The following NKPD1 variants were observed in gnomAD, a reference collection of about 807,000 sequenced individuals.
NKPD1 encodes NTPase KAP family P-loop domain containing 1.
NKPD1 carries 37 observed loss-of-function variants against 42.2 expected under a neutral mutation model. The ratio of observed to expected loss-of-function variants is 0.88; its 90% CI spans 0.67 to 1.15. NKPD1 has a LOEUF of 1.15. Among genes scored for constraint, NKPD1 ranks in the 50% most tolerant of loss-of-function variants. NKPD1 has a pLI of 0.00. For missense variants in NKPD1, 1,113 were observed against 1,174.6 expected, an observed-to-expected ratio of 0.95 and a Z score of 0.77; for synonymous variants, 552 against 536.5, an observed-to-expected ratio of 1.03 and a Z score of -0.40.
intron 1 of NKPD1, among the ~76,000 whole-genome samples, 119 bp downstream of exon 1, chr19:45,160,806 G>T (rs1037914012): frequency 6.6e-6 from 1 of 152,108 alleles, no homozygotes; most frequent in Non-Finnish European, 1.5e-5. Flanking sequence ...AGCAGGACAG[G>T]GAAGGATGCT....
In NKPD1 at chr19:45,152,286, G is replaced by A. The variant is rs776824436; in HGVS notation, c.2151C>T (p.Asp717=). ...CCAGGAAGCGCTCGAAGAGCTCGGG[G>A]TCGCCGTCCAGGTCGAGCACGTTCT... is the stretch of plus-strand genomic sequence containing the variant. ...ALQNVLDLDG[D]PELFERFLGA... The change falls in exon 5 of 5, where the codon GAC becomes GAT. Residue 717 remains aspartate, a synonymous_variant. Coordinates refer to ENST00000686631, the MANE Select transcript of NKPD1 (RefSeq NM_198478.4). The A allele has an allele frequency of 1.2e-6, 2 of 1,610,470 alleles. No homozygotes were observed. Among genetic ancestry groups the A allele is most frequent in the Admixed American group, 3.3e-5 (2 of 59,852 alleles).
In NKPD1 at chr19:45,149,754, AAC is replaced by A. The variant is rs1398961632; in HGVS notation, c.*2182_*2183del. ...GTTTCATGCAAGATCTCAATGTCCT[AAC>A]ACAGGAGATGTTTATTGTCACATGT... On this transcript the variant is annotated 3_prime_UTR_variant, in exon 5 of 5. Coordinates refer to ENST00000686631, the MANE Select transcript of NKPD1 (RefSeq NM_198478.4). 1.4e-4 allele frequency: 21 copies of A among 152,208 alleles called. No individual in the cohort carries two copies. Among genetic ancestry groups the A allele is most frequent in the African/African-American group, 4.8e-4 (20 of 41,444 alleles). The allele number at this position is 152,208 out of a possible 1,614,324, so 9.4% of individuals were successfully genotyped here. A position where few individuals can be genotyped will look rare whatever the true frequency, so the allele number is the denominator to read the frequency against.
Position 45,160,039 on chromosome 19 carries a change from G to A in NKPD1, c.91+21C>T, listed in dbSNP as rs370136788. 1.5e-5 allele frequency: 19 copies of A among 1,273,740 alleles called. No individual in the cohort carries two copies. The African/African-American group carries it at 2.0e-4, about 13-fold the overall frequency. 78.9% of individuals were successfully genotyped at this position (1,273,740 alleles called of 1,614,324 possible). ...CACAGGCCTCTGTCGGCCATCACCCGCCCCCAAACTGAACCCGTACCTTTT... is the reference window on the plus strand; with the variant it reads ...CACAGGCCTCTGTCGGCCATCACCCACCCCCAAACTGAACCCGTACCTTTT... On this transcript the variant is annotated intron_variant, in intron 2 of 4. Coordinates refer to ENST00000686631, the MANE Select transcript of NKPD1 (RefSeq NM_198478.4).
At position 45,159,020 on chromosome 19, in the gene NKPD1, G is replaced by T; in HGVS notation, c.172C>A (p.Gln58Lys). ...ACTTGGTGGCTGTGGTAGGCCAGCT[G>T]CCAGTGTGATTGGGGGGAAGGCCGA... ...PCRPSPQSHWQLAYHSHQVGG... is the reference protein window; with the variant it reads ...PCRPSPQSHWKLAYHSHQVGG... The change falls in exon 3 of 5, where the codon CAG becomes AAG. Residue 58 changes from glutamine (Q) to lysine (K), a missense_variant. Physicochemically the swap from Gln to Lys is moderately conservative, Grantham distance 53. Coordinates refer to ENST00000686631, the MANE Select transcript of NKPD1 (RefSeq NM_198478.4). 1 of 1,301,942 alleles carries T rather than the reference G, an allele frequency of 7.7e-7. No homozygotes were observed. The highest frequency in any genetic ancestry group is 1.0e-6 in the Non-Finnish European group (1 of 988,348). The allele number at this position is 1,301,942 out of a possible 1,614,324, so 80.6% of individuals were successfully genotyped here.
At chr19:45,159,696 A>G (rs145746683) in intron 2 of NKPD1, among the ~76,000 whole-genome samples, 178 of 152,222 alleles carry the variant, frequency 1.2e-3, no homozygotes, top group African/African-American at 4.1e-3. Flanking sequence ...TCACCACCAG[A>G]AACTGGGCCC....
At chr19:45,156,657 G>A (rs182459482) in intron 3 of NKPD1, among the ~76,000 whole-genome samples, 5 of 152,342 alleles carry the variant, frequency 3.3e-5, no homozygotes, top group Non-Finnish European at 5.9e-5. Flanking sequence ...ACCAGGCACT[G>A]GCACTACGGC....
rs948237054 is a variant in NKPD1 at position 45,160,172 on chromosome 19, T to C, written c.-22A>G. On this transcript the variant is annotated 5_prime_UTR_variant, in exon 2 of 5. Coordinates refer to ENST00000686631, the MANE Select transcript of NKPD1 (RefSeq NM_198478.4). ...GCATGGCAGCCGGGCAGCTGGGTGC[T>C]GGGGGCCTGCTCCTGAGGCAGGAGG... 136 of 1,290,168 alleles carry C rather than the reference T, an allele frequency of 1.1e-4. No individual in the cohort carries two copies. Among genetic ancestry groups the C allele is most frequent in the Non-Finnish European group, 1.4e-4 (134 of 976,174 alleles). The allele number at this position is 1,290,168 out of a possible 1,614,324, so 79.9% of individuals were successfully genotyped here. A position where few individuals can be genotyped will look rare whatever the true frequency, so the allele number is the denominator to read the frequency against.
In NKPD1 at chr19:45,158,713, C is replaced by T. The variant is rs776354234; in HGVS notation, c.479G>A (p.Arg160Gln). Residue 160 changes from arginine (R) to glutamine (Q), a missense_variant, in exon 3 of 5, where the codon CGG becomes CAG. Arg to Gln is a conservative substitution (Grantham distance 43, BLOSUM62 1). Transcript: ENST00000686631. The surrounding 1 kb of genome is among the most constrained non-coding windows in gnomAD (Gnocchi z 4.6). ...LLKPSEPTDA[R>Q]PLPAPAACGS... Reference sequence around the variant, plus strand: ...ACAGGCCGCTGGGGCGGGCAGGGGCCGGGCATCAGTGGGCTCGCTGGGCTT... The same window carrying T: ...ACAGGCCGCTGGGGCGGGCAGGGGCTGGGCATCAGTGGGCTCGCTGGGCTT... 3.0e-5 allele frequency: 36 copies of T among 1,198,178 alleles called. 1 individual carries two copies. The highest frequency in any genetic ancestry group is 2.0e-4 in the African/African-American group (12 of 61,456). 74.2% of individuals were successfully genotyped at this position (1,198,178 alleles called of 1,614,324 possible).
At position 45,152,234 on chromosome 19, in the gene NKPD1, C is replaced by T; in HGVS notation, c.2203G>A (p.Glu735Lys). ...LGADFPFTVAEAQSLLRCTVN... is the reference protein window; with the variant it reads ...LGADFPFTVAKAQSLLRCTVN... ...GTGCAGCGCAGCAGGCTCTGCGCCTCGGCCACGGTGAAGGGGAAGTCGGCG... is the reference window on the plus strand; with the variant it reads ...GTGCAGCGCAGCAGGCTCTGCGCCTTGGCCACGGTGAAGGGGAAGTCGGCG... The change falls in exon 5 of 5, where the codon GAG becomes AAG. Residue 735 changes from glutamate (E) to lysine (K), a missense_variant. Glu to Lys is a moderately conservative substitution (Grantham distance 56). Coordinates refer to ENST00000686631, the MANE Select transcript of NKPD1 (RefSeq NM_198478.4). The T allele has an allele frequency of 3.1e-6, 5 of 1,605,542 alleles. No homozygotes were observed. Among genetic ancestry groups the T allele is most frequent in the African/African-American group, 2.7e-5 (2 of 74,908 alleles).
intron 3 of NKPD1, among the ~76,000 whole-genome samples, chr19:45,157,022 T>C (rs886707415): frequency 2.5e-4 from 38 of 152,236 alleles, no homozygotes; most frequent in Non-Finnish European, 5.1e-4. Flanking sequence ...GTGACAGGGC[T>C]GTGCCCGACC....
intron 3 of NKPD1, among the ~76,000 whole-genome samples, chr19:45,157,080 G>T (rs149228435): frequency 1.2e-4 from 18 of 152,196 alleles, no homozygotes; most frequent in Non-Finnish European, 2.6e-4. Flanking sequence ...AAACCCAGCC[G>T]TCTCCACCTC....
In NKPD1 at chr19:45,152,104, T is replaced by G. The variant is rs1968790177; in HGVS notation, c.2333A>C (p.His778Pro). ...GGCGCTGTTGGCCCGGTGGGCAGCG[T>G]GGGGGGTATCGCGGGTAGGGGACTT... ...PPKSPTRDTP[H>P]AAHRANSASR... Residue 778 changes from histidine to proline, a missense_variant, in exon 5 of 5, where the codon CAC becomes CCC. By Grantham distance (77) the His-to-Pro change is moderately conservative (BLOSUM62 -2). Coordinates refer to ENST00000686631, the MANE Select transcript of NKPD1 (RefSeq NM_198478.4). 6.2e-7 allele frequency: 1 copy of G among 1,605,182 alleles called. No homozygotes were observed. The highest frequency in any genetic ancestry group is 8.5e-7 in the Non-Finnish European group (1 of 1,177,000).
In NKPD1 at chr19:45,153,437, A is replaced by T; in HGVS notation, c.1000T>A (p.Trp334Arg). The change falls in exon 5 of 5, where the codon TGG becomes AGG. Residue 334 changes from tryptophan (W) to arginine (R), a missense_variant. Physicochemically the swap from Trp to Arg is moderately radical, Grantham distance 101. Coordinates refer to ENST00000686631, the MANE Select transcript of NKPD1 (RefSeq NM_198478.4). The part of the protein sequence containing the change: ...ATRQDCCQSE[W>R]HCRRRVCLGL... ...AGGCACACGCGGCGCCGACAATGCC[A>T]CTCGCTCTGGCAGCAGTCCTGCCTG... 2 of 1,548,154 alleles carry T rather than the reference A, an allele frequency of 1.3e-6. No homozygotes were observed. The highest frequency in any genetic ancestry group is 1.7e-6 in the Non-Finnish European group (2 of 1,150,338).
chr19:45,159,560 G>A lies in NKPD1; in HGVS notation c.92-460C>T, dbSNP rs566073323. On this transcript the variant is annotated intron_variant, in intron 2 of 4. Coordinates refer to ENST00000686631, the MANE Select transcript of NKPD1 (RefSeq NM_198478.4). ...GGGGGGTGGACCTTGTCCCCAGCTC[G>A]GGCCAGGGTGGCAGGAAGGGTGGTG... is the stretch of plus-strand genomic sequence containing the variant. 2.9e-4 allele frequency among the ~76,000 whole-genome samples: 44 copies of A among 152,186 alleles called. 1 individual carries two copies. The highest frequency in any genetic ancestry group is 1.6e-3 in the Admixed American group (25 of 15,296).
At position 45,152,996 on chromosome 19, in the gene NKPD1, A is replaced by G; in HGVS notation, c.1441T>C (p.Ser481Pro). ...GVLNAINTLL[S>P]DSHAPFIFIL... Reference sequence around the variant, plus strand: ...AAGATGAAGGGCGCGTGGCTGTCGGACAGCAGCGTGTTGATGGCGTTGAGC... The same window carrying G: ...AAGATGAAGGGCGCGTGGCTGTCGGGCAGCAGCGTGTTGATGGCGTTGAGC... Residue 481 changes from serine to proline, a missense_variant, in exon 5 of 5, where the codon TCC (serine) becomes CCC (proline). Coordinates refer to ENST00000686631, the MANE Select transcript of NKPD1 (RefSeq NM_198478.4). The G allele has an allele frequency of 6.3e-7, 1 of 1,586,096 alleles. No individual in the cohort carries two copies. Among genetic ancestry groups the G allele is most frequent in the Non-Finnish European group, 8.6e-7 (1 of 1,165,428 alleles).
intron 3 of NKPD1, among the ~76,000 whole-genome samples, chr19:45,156,544 T>C (rs936357691): frequency 6.6e-6 from 1 of 151,272 alleles, no homozygotes; most frequent in African/African-American, 2.4e-5. Flanking sequence ...CTCTGAAGAG[T>C]GGGGCAGCAG....
At chr19:45,159,837 C>A (rs933884443) in intron 2 of NKPD1, among the ~76,000 whole-genome samples, 1 of 152,210 alleles carries the variant, frequency 6.6e-6, no homozygotes, top group African/African-American at 2.4e-5. Flanking sequence ...GCAGGCCAGG[C>A]GGCCCCTGCT....
At position 45,150,583 on chromosome 19, in the gene NKPD1, TGG is replaced by T. The variant is rs572814200; in HGVS notation, c.*1353_*1354del. The stretch of plus-strand genomic sequence containing the variant: ...TCTGAGGCCAGCTCTCCCTGACTGC[TGG>T]GAAACAGCTCCCAGGAGGTCCAGGC... On this transcript the variant is annotated 3_prime_UTR_variant, in exon 5 of 5. Coordinates refer to ENST00000686631, the MANE Select transcript of NKPD1 (RefSeq NM_198478.4). The T allele has an allele frequency of 1.3e-5, 2 of 152,350 alleles. No homozygotes were observed. The highest frequency in any genetic ancestry group is 2.9e-5 in the Non-Finnish European group (2 of 68,138). The allele number at this position is 152,350 out of a possible 1,614,324, so 9.4% of individuals were successfully genotyped here.
chr19:45,153,484 A>G lies in NKPD1; in HGVS notation c.953T>C (p.Val318Ala). 6.4e-7 allele frequency: 1 copy of G among 1,555,720 alleles called. No homozygotes were observed. The highest frequency in any genetic ancestry group is 8.7e-7 in the Non-Finnish European group (1 of 1,153,462). ...CCTGGTGGCCGGCTTGTTGCCCAGC[A>G]CCGAGTACACGCTGAAGGGCAGTGC... ...YGALPFSVYS[V>A]LGNKPATRQD... The change falls in exon 5 of 5, where the codon GTG becomes GCG. Residue 318 changes from valine to alanine, a missense_variant. Val to Ala is a moderately conservative substitution (Grantham distance 64). Transcript: ENST00000686631.
Sources: gnomAD v4.1 joint callset for allele counts (sites outside exome capture counted in the v4.1 genomes callset) on GRCh38, gnomAD v4.1.1 for gene constraint, Gnocchi (gnomAD v3.1) non-coding constraint, MANE v1.5 for transcripts, NCBI Gene and HGNC (gene_info 2026-07-23, HGNC 2026-07-21) for gene names.